Variants in CFAP58 observed in about 807,000 individuals in gnomAD.
The protein encoded by CFAP58 is cilia and flagella associated protein 58.
Under a neutral mutation model 119.5 loss-of-function variants are expected in CFAP58, and 88 were observed. That is an observed-to-expected ratio of 0.74 (90% CI 0.62 to 0.88). CFAP58 has a LOEUF of 0.88. Among genes scored for constraint, CFAP58 ranks in the 40% least tolerant of loss-of-function variants. The probability of loss-of-function intolerance (pLI) is 0.00; values close to 1 mark genes in which losing one functional copy is unlikely to be tolerated. For missense variants in CFAP58, 990 were observed against 1,021.2 expected, an observed-to-expected ratio of 0.97 and a Z score of 0.42; for synonymous variants, 365 against 366.3, an observed-to-expected ratio of 1.00 and a Z score of 0.04.
At chr10:104,383,259 G>A (rs934837894) in intron 9 of CFAP58, among the ~76,000 whole-genome samples, 10 of 152,186 alleles carry the variant, frequency 6.6e-5, no homozygotes, top group Admixed American at 3.9e-4. Flanking sequence ...TAATGTCTCT[G>A]GAATGATGAT....
intron 15 of CFAP58, among the ~76,000 whole-genome samples, chr10:104,429,954 G>A (rs1008332195): frequency 8.6e-5 from 13 of 151,866 alleles, no homozygotes; most frequent in Non-Finnish European, 1.9e-4. Context: ...CCTCCCACTC[G>A]GGGAGGGGTC....
At chr10:104,395,252 A>G (rs1434956041) in intron 11 of CFAP58, among the ~76,000 whole-genome samples, 1 of 152,248 alleles carries the variant, frequency 6.6e-6, no homozygotes, top group Non-Finnish European at 1.5e-5. Context: ...ATAATACAAT[A>G]AAATACAGGG....
chr10:104,440,176 T>G (rs117402638), intron 15 of CFAP58, among the ~76,000 whole-genome samples: 1,538 of 152,236 alleles, frequency 0.01, 21 homozygotes, highest in Non-Finnish European at 0.012. Flanking sequence ...ATTTACCGTC[T>G]ACGCATGCTA....
intron 9 of CFAP58, among the ~76,000 whole-genome samples, chr10:104,385,629 C>A (rs1243864694): frequency 1.3e-5 from 2 of 151,670 alleles, no homozygotes; most frequent in African/African-American, 2.4e-5. Context: ...CCAGACTGGG[C>A]AACATAGGAG....
At chr10:104,423,742 A>G (rs2012698135) in intron 15 of CFAP58, among the ~76,000 whole-genome samples, 1 of 152,228 alleles carries the variant, frequency 6.6e-6, no homozygotes, top group South Asian at 2.1e-4. Flanking sequence ...GTTTTTGGAC[A>G]GCAGCAAGAT....
At chr10:104,375,582 T>C (rs2011641672) in intron 7 of CFAP58, among the ~76,000 whole-genome samples, 1 of 152,036 alleles carries the variant, frequency 6.6e-6, no homozygotes, top group Non-Finnish European at 1.5e-5. Flanking sequence ...GTAAAATATT[T>C]TAAGAGATTA....
chr10:104,368,766 T>A (rs190628710), intron 6 of CFAP58, among the ~76,000 whole-genome samples: 116 of 152,348 alleles, frequency 7.6e-4, no homozygotes, highest in Non-Finnish European at 9.3e-4. Flanking sequence ...CAAACCTGAT[T>A]ATTGATCATA....
intron 6 of CFAP58, 115 bp from the exon 7 acceptor site, chr10:104,370,780 C>T (rs775459637): frequency 1.7e-4 from 162 of 945,056 alleles, no homozygotes; most frequent in Non-Finnish European, 2.0e-4. Flanking sequence ...TCTCACAGAA[C>T]AACTTTAAAA....
Position 104,437,966 on chromosome 10 carries a change from T to TA in CFAP58, c.2257-9723dup, listed in dbSNP as rs200436774. The stretch of plus-strand genomic sequence containing the variant: ...GAATATATAAATAATTACAAATCAG[T>TA]AAAAAAAAATACTATATGTGAACAG... On this transcript the variant is annotated intron_variant, in intron 15 of 17. Transcript: ENST00000369704. Among the ~76,000 whole-genome samples the TA allele has an allele frequency of 4.7e-3, 706 of 150,788 alleles. 6 individuals are homozygous for TA. Among genetic ancestry groups the TA allele is most frequent in the African/African-American group, 0.016 (664 of 41,150 alleles).
chr10:104,385,060 A>G (rs1437356381), intron 9 of CFAP58, among the ~76,000 whole-genome samples: 1 of 152,070 alleles, frequency 6.6e-6, no homozygotes, highest in African/African-American at 2.4e-5. Flanking sequence ...TGCTACATCA[A>G]CCCTGCGTTG....
intron 15 of CFAP58, among the ~76,000 whole-genome samples, chr10:104,436,806 A>G (rs2012942485): frequency 6.6e-6 from 1 of 152,200 alleles, no homozygotes; most frequent in Admixed American, 6.5e-5. Context: ...CATTGAAGGC[A>G]TATATAGTAC....
In CFAP58 at chr10:104,393,392, G is replaced by A. The variant is rs1024950552; in HGVS notation, c.1591G>A (p.Glu531Lys). ...GATCCATCAGGTAGATGAGCTGAAA[G>A]AAGACATCTCTGCCAAAGAGTCCGC... ...IMIHQVDELKEDISAKESALV... is the reference protein window; with the variant it reads ...IMIHQVDELKKDISAKESALV... Residue 531 changes from glutamate (E) to lysine (K), a missense_variant, in exon 11 of 18, where the codon GAA becomes AAA. Transcript: ENST00000369704. 1 of 1,613,950 alleles carries A rather than the reference G, an allele frequency of 6.2e-7. No individual in the cohort carries two copies. Among genetic ancestry groups the A allele is most frequent in the African/African-American group, 1.3e-5 (1 of 74,940 alleles).
intron 11 of CFAP58, among the ~76,000 whole-genome samples, chr10:104,395,625 T>A (rs1007385253): frequency 6.6e-6 from 1 of 152,238 alleles, no homozygotes; most frequent in Non-Finnish European, 1.5e-5. Flanking sequence ...TGTTGAGTTT[T>A]AGCCTCTTGA....
chr10:104,358,691 C>A, intron 2 of CFAP58, 69 bp downstream of exon 2: 1 of 1,413,842 alleles, frequency 7.1e-7, no homozygotes, highest in East Asian at 2.3e-5. Flanking sequence ...ATTGGCACCT[C>A]TAGGCTGGTA....
chr10:104,382,196 T>G, intron 9 of CFAP58: 1 of 717,338 alleles, frequency 1.4e-6, no homozygotes, highest in Non-Finnish European at 2.6e-6. Flanking sequence ...TCAGGGAGCT[T>G]CTGAGCCTCT....
intron 3 of CFAP58, among the ~76,000 whole-genome samples, chr10:104,364,519 A>G (rs1385184631): frequency 2.6e-5 from 4 of 151,950 alleles, no homozygotes; most frequent in African/African-American, 7.3e-5. Context: ...ATAAAAAAAT[A>G]AATTATACTA....
intron 9 of CFAP58, among the ~76,000 whole-genome samples, chr10:104,387,129 C>T (rs987725686): frequency 3.3e-5 from 5 of 152,204 alleles, no homozygotes; most frequent in Admixed American, 6.5e-5. Flanking sequence ...CAAACCTTTT[C>T]CTATGTGTTT....
chr10:104,355,280 A>G (rs1335122077), intron 1 of CFAP58, among the ~76,000 whole-genome samples: 1 of 151,952 alleles, frequency 6.6e-6, no homozygotes, highest in African/African-American at 2.4e-5. Context: ...TTCATTCCCC[A>G]TAGGGAAGCC....
chr10:104,346,982 G>A, the CFAP58 span, among the ~76,000 whole-genome samples: 8 of 151,894 alleles, frequency 5.3e-5, no homozygotes, highest in African/African-American at 1.7e-4. Flanking sequence ...ACTTGTGCAC[G>A]TCCTTACCAG....
Sources: gnomAD v4.1 joint callset for allele counts (sites outside exome capture counted in the v4.1 genomes callset) on GRCh38, gnomAD v4.1.1 for gene constraint, MANE v1.5 for transcripts, NCBI Gene and HGNC (gene_info 2026-07-23, HGNC 2026-07-21) for gene names.